The following POU2F1 variants were observed in gnomAD, a reference collection of about 807,000 sequenced individuals.
POU2F1 encodes POU domain, class 2, transcription factor 1.
POU2F1 carries 16 observed loss-of-function variants against 84.9 expected under a neutral mutation model. The observed-to-expected ratio is 0.19, with a 90% CI of 0.13 to 0.29. POU2F1 has a LOEUF of 0.29. POU2F1 is among the 10% of genes least tolerant of loss of function. POU2F1 has a pLI of 1.00. For synonymous variants in POU2F1, 368 were observed against 368.3 expected, an observed-to-expected ratio of 1.00 and a Z score of 0.01; for missense variants, 738 against 942.6, an observed-to-expected ratio of 0.78 and a Z score of 2.84.
At chr1:167,338,242 C>G (rs1156363753) in intron 2 of POU2F1, 3 of 463,008 alleles carry the variant, frequency 6.5e-6, no homozygotes, top group South Asian at 4.6e-5. Flanking sequence ...TGATGATCCA[C>G]TTCCACTTAA....
intron 2 of POU2F1, among the ~76,000 whole-genome samples, chr1:167,340,577 G>A (rs1201862995): frequency 6.6e-6 from 1 of 151,574 alleles, no homozygotes; most frequent in Admixed American, 6.6e-5. Context: ...GATTACAGGT[G>A]TGCGCCCCCA....
chr1:167,309,473 A>G (rs564742797), intron 1 of POU2F1, among the ~76,000 whole-genome samples: 1 of 152,136 alleles, frequency 6.6e-6, no homozygotes, highest in Admixed American at 6.5e-5. Flanking sequence ...CTCTCTCCAT[A>G]TAACCAGTCT....
chr1:167,323,277 G>A (rs1326061958), intron 1 of POU2F1, among the ~76,000 whole-genome samples: 2 of 152,178 alleles, frequency 1.3e-5, no homozygotes, highest in South Asian at 2.1e-4. Context: ...TAGTGAAATG[G>A]TAAAACTTTA....
intron 1 of POU2F1, among the ~76,000 whole-genome samples, chr1:167,305,770 G>A (rs1387442154): frequency 2.0e-5 from 3 of 152,146 alleles, no homozygotes; most frequent in Non-Finnish European, 2.9e-5. Context: ...TAAAGATAAT[G>A]TGAAATTTAT....
chr1:167,309,084 T>C (rs1248567622), intron 1 of POU2F1, among the ~76,000 whole-genome samples: 1 of 151,778 alleles, frequency 6.6e-6, no homozygotes, highest in East Asian at 1.9e-4. Flanking sequence ...CATAATTTTT[T>C]AAAGTGCTTC....
intron 1 of POU2F1, chr1:167,329,434 A>T: frequency 9.3e-7 from 1 of 1,070,506 alleles, no homozygotes; most frequent in Non-Finnish European, 1.3e-6. Flanking sequence ...TGGACTGAGC[A>T]GGGAAGGAGG....
intron 1 of POU2F1, among the ~76,000 whole-genome samples, chr1:167,294,992 G>A (rs1654185859): frequency 6.6e-6 from 1 of 151,866 alleles, no homozygotes; most frequent in Admixed American, 6.6e-5. Flanking sequence ...AAATTAGCCG[G>A]GTGTGGTAGA....
rs774298949 is a variant in POU2F1, at chr1:167,412,057, T to C, written c.1654T>C (p.Ser552Pro). Residue 552 changes from serine (S) to proline (P), a missense_variant, in exon 14 of 16, where the codon TCT becomes CCT. Ser to Pro is a moderately conservative substitution (Grantham distance 74, BLOSUM62 -1). Coordinates refer to ENST00000367866, the MANE Select transcript of POU2F1 (RefSeq NM_002697.4). Reference sequence around the variant, plus strand: ...GTCCCCCTCTCTGAGTCCCTCCCCTTCTGCCTCAGCCTCCACCTCCGAGGC... The same window carrying C: ...GTCCCCCTCTCTGAGTCCCTCCCCTCCTGCCTCAGCCTCCACCTCCGAGGC... The part of the protein sequence containing the change: ...VTSPSLSPSP[S>P]ASASTSEASS... 12 of 1,614,050 alleles carry C rather than the reference T, an allele frequency of 7.4e-6. No homozygotes were observed. The Admixed American group carries it at 2.0e-4, about 27-fold the overall frequency.
At chr1:167,273,160 C>T (rs1203111417) in intron 1 of POU2F1, among the ~76,000 whole-genome samples, 1 of 152,228 alleles carries the variant, frequency 6.6e-6, no homozygotes, top group African/African-American at 2.4e-5. Context: ...CCGGGCAGCA[C>T]TGATGCAAGG....
chr1:167,426,337 A>C lies in POU2F1; in HGVS notation c.*10527A>C, dbSNP rs988071514. ...ACTGTCCTATTCTTAGTAGTTTGAA[A>C]TAATAGTATTTTTGTATGTTTTGGG... On this transcript the variant is annotated 3_prime_UTR_variant, in exon 16 of 16. Transcript: ENST00000367866. 1 of 152,184 alleles carries C rather than the reference A, an allele frequency of 6.6e-6. No homozygotes were observed. Among genetic ancestry groups the C allele is most frequent in the African/African-American group, 2.4e-5 (1 of 41,452 alleles). 9.4% of individuals were successfully genotyped at this position (152,184 alleles called of 1,614,324 possible). A position where few individuals can be genotyped will look rare whatever the true frequency, so the allele number is the denominator to read the frequency against.
At chr1:167,370,057 T>G in intron 3 of POU2F1, 104 bp from the exon 4 acceptor site, 1 of 950,608 alleles carries the variant, frequency 1.1e-6, no homozygotes, top group Non-Finnish European at 1.5e-6. Flanking sequence ...CTTTGTCTTC[T>G]CAGTTCTAGC....
At chr1:167,397,513 A>G (rs1648891763) in intron 10 of POU2F1, among the ~76,000 whole-genome samples, 1 of 152,104 alleles carries the variant, frequency 6.6e-6, no homozygotes, top group African/African-American at 2.4e-5. Flanking sequence ...CAGCAGAAAT[A>G]TCCATGGTAG....
intron 1 of POU2F1, among the ~76,000 whole-genome samples, chr1:167,317,669 C>G (rs913873813): frequency 6.6e-6 from 1 of 152,212 alleles, no homozygotes; most frequent in African/African-American, 2.4e-5. Flanking sequence ...TCGGGAATGC[C>G]TTAAGCAGTT....
At position 167,369,674 on chromosome 1, in the gene POU2F1, G is replaced by A. The variant is rs79652262; in HGVS notation, c.229-487G>A. The stretch of plus-strand genomic sequence containing the variant: ...TAAGTTATGATTATAAATGTTTTAA[G>A]GACTTGGCTGTGTGGGTGTGTAAAT... On this transcript the variant is annotated intron_variant, in intron 3 of 15. Coordinates refer to ENST00000367866, the MANE Select transcript of POU2F1 (RefSeq NM_002697.4). 9.9e-4 allele frequency among the ~76,000 whole-genome samples: 151 copies of A among 152,262 alleles called. 2 individuals carry two copies. The East Asian group carries it at 0.026, about 26-fold the overall frequency.
intron 1 of POU2F1, among the ~76,000 whole-genome samples, chr1:167,330,085 G>A (rs1032723875): frequency 1.1e-4 from 16 of 152,092 alleles, no homozygotes; most frequent in African/African-American, 3.9e-4. Flanking sequence ...GCTAATGGTG[G>A]TCATATTTTG....
intron 2 of POU2F1, 148 bp from the exon 3 acceptor site, chr1:167,365,319 T>G: frequency 3.8e-6 from 2 of 520,890 alleles, no homozygotes; most frequent in South Asian, 6.8e-5. Context: ...CAGTTTACTG[T>G]TTCCTTTCTT....
intron 2 of POU2F1, among the ~76,000 whole-genome samples, chr1:167,355,670 T>G (rs995818305): frequency 6.6e-6 from 1 of 152,200 alleles, no homozygotes; most frequent in Admixed American, 6.5e-5. Flanking sequence ...CTATAATAAC[T>G]GCACATTTTT....
chr1:167,369,152 T>C (rs748981134), intron 3 of POU2F1, among the ~76,000 whole-genome samples: 65 of 152,206 alleles, frequency 4.3e-4, no homozygotes, highest in Non-Finnish European at 7.8e-4. Flanking sequence ...TTTTGAACAG[T>C]GTACACTGGT....
intron 6 of POU2F1, 37 bp from the exon 7 acceptor site, chr1:167,375,992 A>T (rs542412339): frequency 1.2e-6 from 2 of 1,611,910 alleles, no homozygotes; most frequent in South Asian, 2.2e-5. Context: ...CTTTTATTTC[A>T]GAATCTCCAA....
Sources: gnomAD v4.1 joint callset for allele counts (sites outside exome capture counted in the v4.1 genomes callset) on GRCh38, gnomAD v4.1.1 for gene constraint, MANE v1.5 for transcripts, NCBI Gene and HGNC (gene_info 2026-07-23, HGNC 2026-07-21) for gene names.